TMEM120B: variants seen among roughly 807,000 people sequenced by gnomAD.
The protein encoded by TMEM120B is transmembrane protein 120B.
Under a neutral mutation model 55.5 loss-of-function variants are expected in TMEM120B, and 31 were observed. That is an observed-to-expected ratio of 0.56 (90% confidence interval 0.42 to 0.75). The LOEUF is 0.75. Ranked by LOEUF, TMEM120B falls within the 30% of genes least tolerant of loss-of-function variation. TMEM120B has a pLI of 0.00. For synonymous variants in TMEM120B, 203 were observed against 176.3 expected, an observed-to-expected ratio of 1.15 and a Z score of -1.20; for missense variants, 399 against 425.5, an observed-to-expected ratio of 0.94 and a Z score of 0.55.
chr12:121,726,589 AT>A (rs201117463), intron 1 of TMEM120B, among the ~76,000 whole-genome samples: 35 of 148,190 alleles, frequency 2.4e-4, no homozygotes, highest in Non-Finnish European at 3.4e-4. Context: ...AAAAAAAAAA[AT>A]AAAATAAAAT....
Position 121,750,441 on chromosome 12 carries a change from T to A in TMEM120B, c.365+2T>A. The A allele has an allele frequency of 1.2e-6, 2 of 1,611,690 alleles. No individual in the cohort carries two copies. The highest frequency in any genetic ancestry group is 1.7e-6 in the Non-Finnish European group (2 of 1,178,880). ...GACCCTCCTCAGCAACCAGGCCAAG[T>A]AAGTGTCCCCCACCCACCACCCAGA... On this transcript the variant is annotated splice_donor_variant, in intron 4 of 11. Coordinates refer to ENST00000449592, the MANE Select transcript of TMEM120B (RefSeq NM_001080825.2). LOFTEE classifies it high-confidence loss of function.
At chr12:121,735,760 G>A (rs1028139455) in intron 1 of TMEM120B, among the ~76,000 whole-genome samples, 9 of 150,366 alleles carry the variant, frequency 6.0e-5, no homozygotes, top group African/African-American at 2.0e-4. Flanking sequence ...GCGCATTCTC[G>A]GCTCACTGCA....
At position 121,775,625 on chromosome 12, in the gene TMEM120B, T is replaced by A; in HGVS notation, c.923T>A (p.Phe308Tyr). The A allele has an allele frequency of 6.2e-7, 1 of 1,613,868 alleles. No homozygotes were observed. Among genetic ancestry groups the A allele is most frequent in the East Asian group, 2.2e-5 (1 of 44,874 alleles). Reference protein sequence around the residue: ...CREWQVFVLAFTFLILFLGNF... With the variant: ...CREWQVFVLAYTFLILFLGNF... Reference sequence around the variant, plus strand: ...CTCCCCCAGGTGTTCGTACTGGCGTTCACCTTCCTCATCCTCTTCCTCGGC... The same window carrying A: ...CTCCCCCAGGTGTTCGTACTGGCGTACACCTTCCTCATCCTCTTCCTCGGC... The change falls in exon 12 of 12, where the codon TTC (phenylalanine) becomes TAC (tyrosine). Residue 308 changes from phenylalanine to tyrosine, a missense_variant. Phe to Tyr is a conservative substitution (Grantham distance 22, BLOSUM62 3). This residue lies in a region of TMEM120B where 260 missense variants were observed against 303.9 expected (regional missense o/e 0.86). Transcript: ENST00000449592. The surrounding 1 kb of genome is among the most constrained non-coding windows in gnomAD (Gnocchi z 4.3).
intron 5 of TMEM120B, among the ~76,000 whole-genome samples, chr12:121,754,531 G>A (rs1239426821): frequency 1.3e-5 from 2 of 152,158 alleles, no homozygotes; most frequent in Admixed American, 6.5e-5. Context: ...CACAGGCTTC[G>A]GGGAGGGAGG....
At chr12:121,755,341 C>T (rs1231851938) in intron 5 of TMEM120B, among the ~76,000 whole-genome samples, 1 of 152,184 alleles carries the variant, frequency 6.6e-6, no homozygotes, top group Admixed American at 6.6e-5. Context: ...TCACCTTTTC[C>T]ACAGGCTCCA....
At chr12:121,738,792 T>C (rs1428599280) in intron 1 of TMEM120B, among the ~76,000 whole-genome samples, 1 of 152,152 alleles carries the variant, frequency 6.6e-6, no homozygotes, top group African/African-American at 2.4e-5. Flanking sequence ...AACATCCTTT[T>C]AGTAGCATGC....
intron 3 of TMEM120B, among the ~76,000 whole-genome samples, chr12:121,749,611 A>G (rs1368828113): frequency 6.6e-6 from 1 of 152,178 alleles, no homozygotes; most frequent in Non-Finnish European, 1.5e-5. Context: ...CTAGAGGTTC[A>G]AGACTGCAGT....
chr12:121,735,606 C>T (rs927119011), intron 1 of TMEM120B, among the ~76,000 whole-genome samples: 2 of 151,836 alleles, frequency 1.3e-5, no homozygotes, highest in African/African-American at 4.8e-5. Flanking sequence ...ACAATGTTGG[C>T]CAGGATGGCC....
rs1874360857 is a variant in TMEM120B, at chr12:121,779,468, A to G, written c.*3746A>G. ...GGCACCTGGGCCCCCGGGCCCTGTC[A>G]GTGCTGTCGTGAGGTCTGTCTGCCC... On this transcript the variant is annotated 3_prime_UTR_variant, in exon 12 of 12. Coordinates refer to ENST00000449592, the MANE Select transcript of TMEM120B (RefSeq NM_001080825.2). 6.2e-7 allele frequency: 1 copy of G among 1,604,420 alleles called. No homozygotes were observed. The highest frequency in any genetic ancestry group is 8.5e-7 in the Non-Finnish European group (1 of 1,177,234).
rs1006838802 is a variant in TMEM120B, at chr12:121,776,355, C to T, written c.*633C>T. Reference sequence around the variant, plus strand: ...CCAGAGGGCGCCCCGGGCCCTGGGTCGTCCAAGGGGACAAGGACGTTCCCG... The same window carrying T: ...CCAGAGGGCGCCCCGGGCCCTGGGTTGTCCAAGGGGACAAGGACGTTCCCG... On this transcript the variant is annotated 3_prime_UTR_variant, in exon 12 of 12. Coordinates refer to ENST00000449592, the MANE Select transcript of TMEM120B (RefSeq NM_001080825.2). 1.3e-5 allele frequency: 2 copies of T among 156,988 alleles called. No homozygotes were observed. The highest frequency in any genetic ancestry group is 2.8e-5 in the Non-Finnish European group (2 of 71,466). 9.7% of individuals were successfully genotyped at this position (156,988 alleles called of 1,614,324 possible).
At chr12:121,747,048 GATGCTCT>G (rs1592935838) in intron 2 of TMEM120B, among the ~76,000 whole-genome samples, 2 of 152,208 alleles carry the variant, frequency 1.3e-5, no homozygotes, top group Admixed American at 1.3e-4. Flanking sequence ...TATTATTCTA[GATGCTCT>G]ATGCTGTACT....
chr12:121,717,916 A>G (rs1362143015), intron 1 of TMEM120B, among the ~76,000 whole-genome samples: 1 of 152,088 alleles, frequency 6.6e-6, no homozygotes, highest in East Asian at 1.9e-4. Context: ...TCAGCCTCCC[A>G]AAGTGCTGGG....
rs1355336344 is a variant in TMEM120B, at chr12:121,739,316, TG to T, written c.70-4311del. On this transcript the variant is annotated intron_variant, in intron 1 of 11. Transcript: ENST00000449592. ...ATGAGACTGAATTGGATCCAAGATC[TG>T]GAGGAAAATTGCCATAAAAGAGACA... 2.0e-5 allele frequency among the ~76,000 whole-genome samples: 3 copies of T among 152,134 alleles called. No homozygotes were observed. The East Asian group carries it at 5.8e-4, about 29-fold the overall frequency.
At chr12:121,745,990 A>T (rs1364729056) in intron 2 of TMEM120B, among the ~76,000 whole-genome samples, 5 of 151,318 alleles carry the variant, frequency 3.3e-5, no homozygotes, top group Non-Finnish European at 7.4e-5. Context: ...CCTCCCAAGT[A>T]GCTGGGATTA....
At chr12:121,746,492 T>G (rs1469634126) in intron 2 of TMEM120B, among the ~76,000 whole-genome samples, 2 of 151,992 alleles carry the variant, frequency 1.3e-5, no homozygotes, top group East Asian at 3.9e-4. Context: ...CGGCCTTGGT[T>G]GTTTTCTTTA....
intron 1 of TMEM120B, among the ~76,000 whole-genome samples, chr12:121,734,571 T>C (rs899113365): frequency 1.3e-5 from 2 of 151,686 alleles, no homozygotes; most frequent in African/African-American, 4.8e-5. Context: ...AAAGTTTCTT[T>C]TTCTTTGTTT....
chr12:121,766,792 G>A (rs564933256), intron 6 of TMEM120B, among the ~76,000 whole-genome samples: 23 of 152,320 alleles, frequency 1.5e-4, no homozygotes, highest in African/African-American at 5.1e-4. Flanking sequence ...CAAAACAGCC[G>A]ATGTCTATTA....
rs1341826753 is a variant in TMEM120B, at chr12:121,774,658, A to T, written c.773A>T (p.Glu258Val). ...GERNHLDLTV[E>V]GFQSWMWRGL... ...CCTTTTTCTTCCCTCCTCTCCACAG[A>T]AGGGTTCCAGTCCTGGATGTGGCGG... is the stretch of plus-strand genomic sequence containing the variant. Residue 258 changes from glutamate (E) to valine (V), a missense_variant and splice_region_variant, in exon 10 of 12, where the codon GAA becomes GTA. Coordinates refer to ENST00000449592, the MANE Select transcript of TMEM120B (RefSeq NM_001080825.2). The T allele has an allele frequency of 1.9e-6, 3 of 1,613,616 alleles. No homozygotes were observed. The highest frequency in any genetic ancestry group is 1.7e-6 in the Non-Finnish European group (2 of 1,179,816).
Position 121,780,600 on chromosome 12 carries a change from TGGGCA to T in TMEM120B, c.*4879_*4883del. 1.8e-6 allele frequency: 1 copy of T among 540,758 alleles called. No individual in the cohort carries two copies. The highest frequency in any genetic ancestry group is 3.2e-6 in the Non-Finnish European group (1 of 308,154). The allele number at this position is 540,758 out of a possible 1,614,324, so 33.5% of individuals were successfully genotyped here. ...CCACTTCTCGCTAGCTGTGTGGCCC[TGGGCA>T]AGCTGCTTAACCTCTCTGGGCCTCA... On this transcript the variant is annotated 3_prime_UTR_variant, in exon 12 of 12. Transcript: ENST00000449592.
Sources: gnomAD v4.1 joint callset for allele counts (sites outside exome capture counted in the v4.1 genomes callset) on GRCh38, gnomAD v4.1.1 for gene constraint, gnomAD v4.1.1 regional missense constraint, Gnocchi (gnomAD v3.1) non-coding constraint, MANE v1.5 for transcripts, NCBI Gene and HGNC (gene_info 2026-07-23, HGNC 2026-07-21) for gene names.